The following SLC12A3 variants were observed in gnomAD, a reference collection of about 807,000 sequenced individuals.
SLC12A3 encodes the protein solute carrier family 12 member 3.
SLC12A3 carries 104 observed loss-of-function variants against 121.0 expected under a neutral mutation model. The observed-to-expected ratio is 0.86, with a 90% CI of 0.73 to 1.01. SLC12A3 has a LOEUF of 1.01. Ranked by LOEUF, SLC12A3 falls within the 50% of genes least tolerant of loss-of-function variation. The pLI is 0.00. For synonymous variants in SLC12A3, 536 were observed against 533.4 expected (o/e 1.00, Z -0.07); for missense variants, 1,328 against 1,356.3 (o/e 0.98, Z 0.33).
In SLC12A3 at chr16:56,892,595, C is replaced by T. The variant is rs1405075065; in HGVS notation, c.2420-358C>T. On this transcript the variant is annotated intron_variant, in intron 20 of 25. Transcript: ENST00000563236. Reference sequence around the variant, plus strand: ...TGCAGGGTGGGGTGGGATTTTCCTTCGTCCTCTCCCACCATCACTCCGGGA... The same window carrying T: ...TGCAGGGTGGGGTGGGATTTTCCTTTGTCCTCTCCCACCATCACTCCGGGA... Among the ~76,000 whole-genome samples, 5 of 152,282 alleles carry T rather than the reference C, an allele frequency of 3.3e-5. No individual in the cohort carries two copies. The East Asian group carries it at 9.6e-4, about 29-fold the overall frequency.
At chr16:56,895,327 G>A in intron 22 of SLC12A3, among the ~76,000 whole-genome samples, 1 of 150,034 alleles carries the variant, frequency 6.7e-6, no homozygotes. Flanking sequence ...TAGTAACCAG[G>A]ATTAGAGGCG....
Position 56,887,054 on chromosome 16 carries a change from T to C in SLC12A3, c.2139T>C (p.Ile713=). Residue 713 remains isoleucine, a synonymous_variant, in exon 17 of 26, where the codon ATT becomes ATC. Transcript: ENST00000563236. ...TCAAGGCCTTCTACTCGGATGTCAT[T>C]GCCGAGGACCTCCGCAGAGGCGTCC... ...RKIKAFYSDV[I]AEDLRRGVQI... is the part of the protein sequence containing the mutation. The C allele has an allele frequency of 6.2e-7, 1 of 1,614,028 alleles. No homozygotes were observed. Among genetic ancestry groups the C allele is most frequent in the Non-Finnish European group, 8.5e-7 (1 of 1,180,032 alleles).
Position 56,877,401 on chromosome 16 carries a change from A to T in SLC12A3, c.1096-676A>T, listed in dbSNP as rs577613896. Among the ~76,000 whole-genome samples the T allele has an allele frequency of 3.2e-3, 482 of 152,272 alleles. 5 individuals are homozygous for T. Among genetic ancestry groups the T allele is most frequent in the Non-Finnish European group, 4.7e-3 (321 of 68,016 alleles). ...ACAGAGCAAGACTCTGTCTCAAAAA[A>T]AAAATAAAATAAAAATAAAAAATAA... On this transcript the variant is annotated intron_variant, in intron 8 of 25. Coordinates refer to ENST00000563236, the MANE Select transcript of SLC12A3 (RefSeq NM_001126108.2).
rs377523857 is a variant in SLC12A3, at chr16:56,894,049, G to C, written c.2522-482G>C. On this transcript the variant is annotated intron_variant, in intron 21 of 25. Transcript: ENST00000563236. ...GATGGAGTCTCACTCTGTTGCCCAG[G>C]CTGGAGTGCAATGGTGTGATCTCGG... Among the ~76,000 whole-genome samples, 4 of 150,644 alleles carry C rather than the reference G, an allele frequency of 2.7e-5. No individual in the cohort carries two copies. In the Admixed American group the frequency reaches 2.7e-4, roughly 10 times the overall value.
intron 14 of SLC12A3, 97 bp from the exon 15 acceptor site, chr16:56,885,168 A>G (rs2055293222): frequency 2.4e-6 from 2 of 831,436 alleles, no homozygotes; most frequent in Admixed American, 4.0e-5. Flanking sequence ...CCCGGTGCCT[A>G]GAGAAGGCCG....
intron 2 of SLC12A3, among the ~76,000 whole-genome samples, chr16:56,868,012 CT>C (rs1455426155): frequency 2.0e-5 from 3 of 152,194 alleles, no homozygotes; most frequent in Non-Finnish European, 4.4e-5. Context: ...ACACAGGATC[CT>C]GGGCTTGGGA....
At chr16:56,888,130 C>A in intron 18 of SLC12A3, 99 bp downstream of exon 18, 2 of 835,862 alleles carry the variant, frequency 2.4e-6, no homozygotes, top group South Asian at 1.4e-5. Context: ...AAAGTTGAGT[C>A]CTGCTGGGCA....
intron 22 of SLC12A3, 105 bp from the exon 23 acceptor site, chr16:56,899,425 G>T: frequency 1.2e-6 from 1 of 851,878 alleles, no homozygotes; most frequent in Non-Finnish European, 2.0e-6. Flanking sequence ...GGAGGCAGAG[G>T]TTGCAGTGAA....
chr16:56,869,068 T>G lies in SLC12A3; in HGVS notation c.506-661T>G, dbSNP rs566731547. On this transcript the variant is annotated intron_variant, in intron 3 of 25. Coordinates refer to ENST00000563236, the MANE Select transcript of SLC12A3 (RefSeq NM_001126108.2). ...CCTGCTATGTGACTTTGGGCAAGTTTCTTAACCTCTCTGAGCCTTGGATTC... is the reference window on the plus strand; with the variant it reads ...CCTGCTATGTGACTTTGGGCAAGTTGCTTAACCTCTCTGAGCCTTGGATTC... Among the ~76,000 whole-genome samples, 5 of 152,310 alleles carry G rather than the reference T, an allele frequency of 3.3e-5. No individual in the cohort carries two copies. In the East Asian group the frequency reaches 9.6e-4, roughly 29 times the overall value.
intron 3 of SLC12A3, among the ~76,000 whole-genome samples, chr16:56,869,043 C>G (rs1964428436): frequency 6.6e-6 from 1 of 152,078 alleles, no homozygotes; most frequent in Non-Finnish European, 1.5e-5. Context: ...AGCTCTGTAG[C>G]CTGCTATGTG....
rs768527231 is a variant in SLC12A3, at chr16:56,865,483, G to A, written c.248G>A (p.Arg83Gln). 48 of 1,613,522 alleles carry A rather than the reference G, an allele frequency of 3.0e-5. No individual in the cohort carries two copies. The highest frequency in any genetic ancestry group is 1.3e-4 in the East Asian group (6 of 44,896). Residue 83 changes from arginine (R) to glutamine (Q), a missense_variant, in exon 1 of 26, where the codon CGG becomes CAG. Arg to Gln is a conservative substitution (Grantham distance 43). Transcript: ENST00000563236. ...CAGCCTGGTGAGCCCCGGAAGGTCCGGCCCACACTGGCTGACCTGCACTCC... is the reference window on the plus strand; with the variant it reads ...CAGCCTGGTGAGCCCCGGAAGGTCCAGCCCACACTGGCTGACCTGCACTCC... Reference protein sequence around the residue: ...STQPGEPRKVRPTLADLHSFL... With the variant: ...STQPGEPRKVQPTLADLHSFL...
At chr16:56,866,338 C>A (rs1439841149) in intron 1 of SLC12A3, among the ~76,000 whole-genome samples, 4 of 152,154 alleles carry the variant, frequency 2.6e-5, no homozygotes, top group Non-Finnish European at 5.9e-5. Context: ...CAGGCCTTTT[C>A]TCCACCCCAG....
chr16:56,913,189 A>T, intron 25 of SLC12A3, 75 bp from the exon 26 acceptor site: 1 of 1,604,416 alleles, frequency 6.2e-7, no homozygotes, highest in African/African-American at 1.3e-5. Context: ...CGCTGTTCTG[A>T]AAACAAACTG....
intron 25 of SLC12A3, 173 bp downstream of exon 25, chr16:56,904,635 G>A (rs1470642326): frequency 3.0e-6 from 2 of 656,448 alleles, no homozygotes; most frequent in Non-Finnish European, 5.5e-6. Flanking sequence ...GGCTGGGCCT[G>A]AGCCCGCCCC....
chr16:56,902,531 G>GGGGTGCC, intron 24 of SLC12A3, 23 bp downstream of exon 24: 196 of 713,314 alleles, frequency 2.7e-4, no homozygotes, highest in Non-Finnish European at 3.7e-4. Flanking sequence ...GTGGGGGTGG[G>GGGGTGCC]AAACGCGACA....
rs368672987 is a variant in SLC12A3 at position 56,867,151 on chromosome 16, G to A, written c.364G>A (p.Ala122Thr). ...GACTGATGGGCTGGTGGAGGGCGAG[G>A]CAGGCACCAGCAGCGAGAAGAACCC... ...EMTDGLVEGEAGTSSEKNPEE... is the reference protein window; with the variant it reads ...EMTDGLVEGETGTSSEKNPEE... Residue 122 changes from alanine to threonine, a missense_variant, in exon 2 of 26, where the codon GCA (alanine) becomes ACA (threonine). Transcript: ENST00000563236. The A allele has an allele frequency of 3.7e-6, 6 of 1,613,896 alleles. No homozygotes were observed. The highest frequency in any genetic ancestry group is 5.1e-6 in the Non-Finnish European group (6 of 1,180,004).
At chr16:56,881,432 T>C (rs576317386) in intron 12 of SLC12A3, among the ~76,000 whole-genome samples, 2 of 148,206 alleles carry the variant, frequency 1.3e-5, no homozygotes, top group South Asian at 2.2e-4. Flanking sequence ...GCAGATTCGA[T>C]GTCCTTTCAT....
chr16:56,878,900 G>A (rs1276636448), intron 9 of SLC12A3, among the ~76,000 whole-genome samples, 173 bp from the exon 10 acceptor site: 1 of 152,236 alleles, frequency 6.6e-6, no homozygotes, highest in African/African-American at 2.4e-5. Context: ...GTAGGTTATT[G>A]TAAAGTACTT....
intron 1 of SLC12A3, 144 bp downstream of exon 1, chr16:56,865,661 T>C (rs969307211): frequency 9.9e-6 from 9 of 906,412 alleles, no homozygotes; most frequent in African/African-American, 8.2e-5. Context: ...CCCAGTGAAA[T>C]AGTGGAGCTG....
Sources: allele counts gnomAD v4.1 joint callset (sites outside exome capture counted in the v4.1 genomes callset), GRCh38; gene constraint gnomAD v4.1.1; transcripts MANE v1.5; gene names NCBI Gene and HGNC (gene_info 2026-07-23, HGNC 2026-07-21).